Variants in ROBO3 observed in about 807,000 individuals in gnomAD.
ROBO3 encodes roundabout guidance receptor 3.
Under a neutral mutation model 160.5 loss-of-function variants are expected in ROBO3, and 97 were observed. That is an observed-to-expected ratio of 0.60 (90% confidence interval 0.51 to 0.72). ROBO3 has a LOEUF of 0.72. Ranked by LOEUF, ROBO3 falls within the 30% of genes least tolerant of loss-of-function variation. The probability of loss-of-function intolerance (pLI) is 0.00; values close to 1 mark genes in which losing one functional copy is unlikely to be tolerated. For missense variants in ROBO3, 1,858 were observed against 1,846.5 expected, an observed-to-expected ratio of 1.01 and a Z score of -0.11; for synonymous variants, 780 against 746.2, an observed-to-expected ratio of 1.05 and a Z score of -0.74.
chr11:124,879,502 A>G lies in ROBO3; in HGVS notation c.3723A>G (p.Pro1241=). Residue 1241 remains proline (P), a synonymous_variant, in exon 25 of 28, where the codon CCA becomes CCG. Coordinates refer to ENST00000397801, the MANE Select transcript of ROBO3 (RefSeq NM_022370.4). Reference sequence around the variant, plus strand: ...AGGGGAATGGGGAGATGACTCCCCCACTTCAAGGACCCCGTGCTCGATTCC... The same window carrying G: ...AGGGGAATGGGGAGATGACTCCCCCGCTTCAAGGACCCCGTGCTCGATTCC... ...TWQGNGEMTP[P]LQGPRARFRK... is the part of the protein sequence containing the mutation. 6.2e-7 allele frequency: 1 copy of G among 1,613,612 alleles called. No homozygotes were observed. Among genetic ancestry groups the G allele is most frequent in the Non-Finnish European group, 8.5e-7 (1 of 1,179,766 alleles).
chr11:124,876,768 AG>A lies in ROBO3; in HGVS notation c.2779+311del, dbSNP rs1173275203. The A allele has an allele frequency of 2.0e-5, 5 of 254,706 alleles. No individual in the cohort carries two copies. Among genetic ancestry groups the A allele is most frequent in the Non-Finnish European group, 2.9e-5 (4 of 135,928 alleles). The allele number at this position is 254,706 out of a possible 1,614,324, so 15.8% of individuals were successfully genotyped here. The stretch of plus-strand genomic sequence containing the variant: ...GTTCGAGGACGGAAAGCCCACTCAA[AG>A]GGCGGGGGGCGGGGCCTGGCAAGAG... On this transcript the variant is annotated intron_variant, in intron 17 of 27. Transcript: ENST00000397801. This position sits in a 1 kb window ranked among gnomAD's most constrained non-coding sequence, Gnocchi z 5.3.
chr11:124,874,328 C>A, intron 12 of ROBO3, 92 bp downstream of exon 12: 2 of 1,185,440 alleles, frequency 1.7e-6, no homozygotes, highest in Non-Finnish European at 2.4e-6. Context: ...GCAGTTCATA[C>A]AGTTCTTTCC....
At position 124,880,545 on chromosome 11, in the gene ROBO3, CCGGAGCCGGAGT is replaced by C. The variant is rs1946553699; in HGVS notation, c.4092_4103del (p.Arg1365_Ser1368del). Reference sequence around the variant, plus strand: ...GCTCTAGGGGCTCCCGGGGCCCTGGCCGGAGCCGGAGTCGGAGTCAGAGCCGGAGCCAGAGCC... The same window carrying C: ...GCTCTAGGGGCTCCCGGGGCCCTGGCCGGAGTCAGAGCCGGAGCCAGAGCC... On this transcript the variant is annotated inframe_deletion, in exon 27 of 28. Coordinates refer to ENST00000397801, the MANE Select transcript of ROBO3 (RefSeq NM_022370.4). 1 of 1,535,372 alleles carries C rather than the reference CCGGAGCCGGAGT, an allele frequency of 6.5e-7. No individual in the cohort carries two copies. Among genetic ancestry groups the C allele is most frequent in the African/African-American group, 1.7e-5 (1 of 57,932 alleles).
Position 124,877,144 on chromosome 11 carries a change from G to A in ROBO3, c.2780-17G>A, listed in dbSNP as rs1946400931. On this transcript the variant is annotated splice_polypyrimidine_tract_variant and intron_variant, in intron 17 of 27. Coordinates refer to ENST00000397801, the MANE Select transcript of ROBO3 (RefSeq NM_022370.4). ...TCATTTCACCTCTTCTTTCTCCCACGGGTTCCTTTCTGGAAGCCTCTTTTG... is the reference window on the plus strand; with the variant it reads ...TCATTTCACCTCTTCTTTCTCCCACAGGTTCCTTTCTGGAAGCCTCTTTTG... 1 of 1,613,632 alleles carries A rather than the reference G, an allele frequency of 6.2e-7. No individual in the cohort carries two copies. Among genetic ancestry groups the A allele is most frequent in the Non-Finnish European group, 8.5e-7 (1 of 1,179,742 alleles).
rs1304507377 is a variant in ROBO3 at position 124,878,121 on chromosome 11, G to A, written c.3171G>A (p.Gln1057=). ...WSQYAPPEWS[Q]GDSGAKGGKV... Reference sequence around the variant, plus strand: ...AGTACGCTCCTCCAGAGTGGAGCCAGGGGGACAGTGGTATGACTCCAACTC... The same window carrying A: ...AGTACGCTCCTCCAGAGTGGAGCCAAGGGGACAGTGGTATGACTCCAACTC... The change falls in exon 21 of 28, where the codon CAG becomes CAA. Residue 1057 remains glutamine, a synonymous_variant. Coordinates refer to ENST00000397801, the MANE Select transcript of ROBO3 (RefSeq NM_022370.4). The surrounding 1 kb of genome is among the most constrained non-coding windows in gnomAD (Gnocchi z 4.3). The A allele has an allele frequency of 6.2e-7, 1 of 1,605,130 alleles. No homozygotes were observed.
Position 124,877,967 on chromosome 11 carries a change from C to T in ROBO3, c.3017C>T (p.Thr1006Met), listed in dbSNP as rs1946442055. The T allele has an allele frequency of 1.9e-6, 3 of 1,609,278 alleles. No individual in the cohort carries two copies. The highest frequency in any genetic ancestry group is 1.7e-5 in the Admixed American group (1 of 59,426). Residue 1006 changes from threonine to methionine, a missense_variant, in exon 21 of 28, where the codon ACG becomes ATG. Transcript: ENST00000397801. The part of the protein sequence containing the change: ...EAGISLYLAQ[T>M]ARGTAAPGEG... ...GGAATCTCCCTGTATCTAGCTCAGACGGCCAGGGGCACGGCCGCCCCTGGC... is the reference window on the plus strand; with the variant it reads ...GGAATCTCCCTGTATCTAGCTCAGATGGCCAGGGGCACGGCCGCCCCTGGC...
rs1565310351 is a variant in ROBO3, at chr11:124,871,031, A to G, written c.1051A>G (p.Thr351Ala). ...LSVHVPPQLVTQPQDQMAAPG... is the reference protein window; with the variant it reads ...LSVHVPPQLVAQPQDQMAAPG... The stretch of plus-strand genomic sequence containing the variant: ...CTTCCCAGTCCCACCCCAGTTGGTG[A>G]CCCAGCCCCAGGACCAGATGGCAGC... Residue 351 changes from threonine to alanine, a missense_variant, in exon 7 of 28, where the codon ACC becomes GCC. Coordinates refer to ENST00000397801, the MANE Select transcript of ROBO3 (RefSeq NM_022370.4). The G allele has an allele frequency of 6.2e-7, 1 of 1,607,252 alleles. No individual in the cohort carries two copies. Among genetic ancestry groups the G allele is most frequent in the South Asian group, 1.1e-5 (1 of 90,922 alleles).
At chr11:124,877,062 G>A in intron 17 of ROBO3, 99 bp from the exon 18 acceptor site, 1 of 1,340,452 alleles carries the variant, frequency 7.5e-7, no homozygotes, top group Non-Finnish European at 1.1e-6. Flanking sequence ...CTGAGTGGTG[G>A]AACTGGGACC....
In ROBO3 at chr11:124,873,047, C is replaced by G. The variant is rs528787628; in HGVS notation, c.1494C>G (p.Phe498Leu). The G allele has an allele frequency of 1.9e-6, 3 of 1,613,944 alleles. No homozygotes were observed. Among genetic ancestry groups the G allele is most frequent in the South Asian group, 1.1e-5 (1 of 91,080 alleles). Residue 498 changes from phenylalanine to leucine, a missense_variant, in exon 9 of 28, where the codon TTC becomes TTG. Coordinates refer to ENST00000397801, the MANE Select transcript of ROBO3 (RefSeq NM_022370.4). The surrounding 1 kb of genome is among the most constrained non-coding windows in gnomAD (Gnocchi z 4.5). ...GQWLQGDDLQFKTMANGTLYI... is the reference protein window; with the variant it reads ...GQWLQGDDLQLKTMANGTLYI... The stretch of plus-strand genomic sequence containing the variant: ...GGCTGCAGGGGGATGACCTCCAGTT[C>G]AAGACAATGGCCAACGGTACCCTGT...
Position 124,880,552 on chromosome 11 carries a change from C to A in ROBO3, c.4093C>A (p.Arg1365=). ...GGGCTCCCGGGGCCCTGGCCGGAGC[C>A]GGAGTCGGAGTCAGAGCCGGAGCCA... ...SRGSRGPGRS[R]SRSQSRSQSQ... is the part of the protein sequence containing the mutation. The change falls in exon 27 of 28, where the codon CGG becomes AGG. Residue 1365 remains arginine (R), a synonymous_variant. Coordinates refer to ENST00000397801, the MANE Select transcript of ROBO3 (RefSeq NM_022370.4). 2.5e-6 allele frequency: 2 copies of A among 800,766 alleles called. No individual in the cohort carries two copies. Among genetic ancestry groups the A allele is most frequent in the Non-Finnish European group, 3.1e-6 (2 of 636,504 alleles). The allele number at this position is 800,766 out of a possible 1,614,324, so 49.6% of individuals were successfully genotyped here.
At chr11:124,877,045 G>A in intron 17 of ROBO3, 116 bp from the exon 18 acceptor site, 1 of 1,147,604 alleles carries the variant, frequency 8.7e-7, no homozygotes, top group South Asian at 1.2e-5. Context: ...TGGGTCCAGG[G>A]TGCAGCCTGA....
At position 124,865,535 on chromosome 11, in the gene ROBO3, C is replaced by G. The variant is rs1167718541; in HGVS notation, c.-43C>G. ...AGCCCACGGGTCTCAGACCCAGGGG[C>G]TGGGCCCCCAGCCCCCAGTCCCGAT... On this transcript the variant is annotated 5_prime_UTR_variant, in exon 1 of 28. Transcript: ENST00000397801. This position sits in a 1 kb window ranked among gnomAD's most constrained non-coding sequence, Gnocchi z 5.5. The G allele has an allele frequency of 6.3e-7, 1 of 1,596,012 alleles. No individual in the cohort carries two copies. Among genetic ancestry groups the G allele is most frequent in the Non-Finnish European group, 8.5e-7 (1 of 1,173,068 alleles).
Position 124,878,864 on chromosome 11 carries a change from GTGGGTGGATGGATGGA to G in ROBO3, c.3533+82_3533+97del, listed in dbSNP as rs1946478636. The G allele has an allele frequency of 3.8e-6, 5 of 1,307,122 alleles. No individual in the cohort carries two copies. The South Asian group carries it at 6.4e-5, about 17-fold the overall frequency. 81.0% of individuals were successfully genotyped at this position (1,307,122 alleles called of 1,614,324 possible). A position where few individuals can be genotyped will look rare whatever the true frequency, so the allele number is the denominator to read the frequency against. On this transcript the variant is annotated intron_variant, in intron 23 of 27. Transcript: ENST00000397801. The surrounding 1 kb of genome is among the most constrained non-coding windows in gnomAD (Gnocchi z 4.3). ...ACGTATCTACTCAGTAGATGACTGG[GTGGGTGGATGGATGGA>G]TGGGTGGATGGATCTGGGGTACAGA...
intron 14 of ROBO3, 86 bp downstream of exon 14, chr11:124,875,422 G>A (rs2135333467): frequency 1.9e-6 from 3 of 1,580,060 alleles, no homozygotes; most frequent in African/African-American, 1.3e-5. Flanking sequence ...ATTTGCAGGA[G>A]GAGAGCAGGG....
In ROBO3 at chr11:124,865,870, C is replaced by T; in HGVS notation, c.160+133C>T. 2 of 1,057,590 alleles carry T rather than the reference C, an allele frequency of 1.9e-6. No homozygotes were observed. Among genetic ancestry groups the T allele is most frequent in the Non-Finnish European group, 2.7e-6 (2 of 750,640 alleles). 65.5% of individuals were successfully genotyped at this position (1,057,590 alleles called of 1,614,324 possible). ...GGCGCCTCCCAGCGCCTCCCTGGGT[C>T]GTGGGGTCTAAGGGATAATTTGGAG... is the stretch of plus-strand genomic sequence containing the variant. On this transcript the variant is annotated intron_variant, in intron 1 of 27. Transcript: ENST00000397801. This position sits in a 1 kb window ranked among gnomAD's most constrained non-coding sequence, Gnocchi z 5.5.
intron 1 of ROBO3, among the ~76,000 whole-genome samples, chr11:124,867,652 C>G (rs995265698): frequency 6.6e-6 from 1 of 152,130 alleles, no homozygotes; most frequent in African/African-American, 2.4e-5. Flanking sequence ...CAGAACAGCG[C>G]CAGCACGGGT....
At position 124,876,772 on chromosome 11, in the gene ROBO3, CG is replaced by C. The variant is rs1375310586; in HGVS notation, c.2779+318del. On this transcript the variant is annotated intron_variant, in intron 17 of 27. Transcript: ENST00000397801. This position sits in a 1 kb window ranked among gnomAD's most constrained non-coding sequence, Gnocchi z 5.3. ...GAGGACGGAAAGCCCACTCAAAGGGCGGGGGGCGGGGCCTGGCAAGAGGGGG... is the reference window on the plus strand; with the variant it reads ...GAGGACGGAAAGCCCACTCAAAGGGCGGGGGCGGGGCCTGGCAAGAGGGGG... 1.4e-5 allele frequency: 6 copies of C among 417,822 alleles called. No homozygotes were observed. The highest frequency in any genetic ancestry group is 8.3e-5 in the Admixed American group (2 of 24,194). The allele number at this position is 417,822 out of a possible 1,614,324, so 25.9% of individuals were successfully genotyped here.
At chr11:124,880,947 G>T (rs113597236) in intron 27 of ROBO3, among the ~76,000 whole-genome samples, 1 of 152,252 alleles carries the variant, frequency 6.6e-6, no homozygotes, top group South Asian at 2.1e-4. Context: ...CAGCTACTCA[G>T]GGGGCTTGAG....
intron 25 of ROBO3, 75 bp from the exon 26 acceptor site, chr11:124,879,712 C>T (rs1946513952): frequency 6.3e-7 from 1 of 1,591,140 alleles, no homozygotes; most frequent in Admixed American, 1.7e-5. Flanking sequence ...CCTCCTGGTG[C>T]CAGGGAATGC....
Sources: allele counts gnomAD v4.1 joint callset (sites outside exome capture counted in the v4.1 genomes callset), GRCh38; gene constraint gnomAD v4.1.1; non-coding constraint Gnocchi (gnomAD v3.1); transcripts MANE v1.5; gene names NCBI Gene and HGNC (gene_info 2026-07-23, HGNC 2026-07-21).